Variants in BEND7 observed in about 807,000 individuals in gnomAD.
BEND7 encodes the protein BEN domain-containing protein 7.
Under a neutral mutation model 50.9 loss-of-function variants are expected in BEND7, and 28 were observed. That is an observed-to-expected ratio of 0.55 (90% CI 0.41 to 0.75). The LOEUF (loss-of-function observed/expected upper bound fraction) is 0.75. Ranked by LOEUF, BEND7 falls within the 30% of genes least tolerant of loss-of-function variation. The pLI is 0.00. For missense variants in BEND7, 477 were observed against 491.3 expected, an observed-to-expected ratio of 0.97 and a Z score of 0.28; for synonymous variants, 170 against 183.9, an observed-to-expected ratio of 0.92 and a Z score of 0.61.
At chr10:13,460,615 C>G (rs1389075675) in intron 6 of BEND7, among the ~76,000 whole-genome samples, 1 of 152,230 alleles carries the variant, frequency 6.6e-6, no homozygotes, top group Non-Finnish European at 1.5e-5. Flanking sequence ...CCTCAGCACA[C>G]TGAGTGGGCA....
At chr10:13,449,722 C>T (rs535506313) in intron 7 of BEND7, among the ~76,000 whole-genome samples, 1 of 152,184 alleles carries the variant, frequency 6.6e-6, no homozygotes, top group East Asian at 1.9e-4. Context: ...GCTATCCTCC[C>T]TTTGAAAAAA....
chr10:13,439,242 C>T (rs1243805433), downstream of BEND7: 1 of 1,614,084 alleles, frequency 6.2e-7, no homozygotes, highest in Non-Finnish European at 8.5e-7. Flanking sequence ...GTTGCGAATC[C>T]CTCTCTGATG....
At chr10:13,518,081 A>G (rs2078823193) in intron 2 of BEND7, among the ~76,000 whole-genome samples, 1 of 152,274 alleles carries the variant, frequency 6.6e-6, no homozygotes, top group South Asian at 2.1e-4. Flanking sequence ...TGAATTGTCA[A>G]CACGTTTCCT....
intron 2 of BEND7, among the ~76,000 whole-genome samples, chr10:13,505,621 G>C (rs374626513): frequency 2.0e-5 from 3 of 152,292 alleles, no homozygotes; most frequent in East Asian, 3.9e-4. Context: ...TCCGACCCCT[G>C]ACTGGGAGCC....
In BEND7 at chr10:13,528,908, G is replaced by A. The variant is rs1015174538; in HGVS notation, c.-375C>T. The A allele has an allele frequency of 2.1e-5, 3 of 144,646 alleles. No homozygotes were observed. Among genetic ancestry groups the A allele is most frequent in the African/African-American group, 5.0e-5 (2 of 40,238 alleles). 9.0% of individuals were successfully genotyped at this position (144,646 alleles called of 1,614,324 possible). On this transcript the variant is annotated 5_prime_UTR_variant, in exon 1 of 9. Coordinates refer to ENST00000466271, the MANE Select transcript of BEND7 (RefSeq NM_001369863.1). Reference sequence around the variant, plus strand: ...GGGGCGCGGCGGCGGCGGCGGAGGCGGGGGGCGGCTCGGGGCGGCCGGCCC... The same window carrying A: ...GGGGCGCGGCGGCGGCGGCGGAGGCAGGGGGCGGCTCGGGGCGGCCGGCCC...
At position 13,450,661 on chromosome 10, in the gene BEND7, T is replaced by C. The variant is rs1225685670; in HGVS notation, c.1183+1878A>G. On this transcript the variant is annotated intron_variant, in intron 7 of 8. Coordinates refer to ENST00000466271, the MANE Select transcript of BEND7 (RefSeq NM_001369863.1). ...AGAAGAGAAGGGCCAAGGGAGCCGATCACAAGTATCTGGGCAGATCATCTA... is the reference window on the plus strand; with the variant it reads ...AGAAGAGAAGGGCCAAGGGAGCCGACCACAAGTATCTGGGCAGATCATCTA... 2.6e-5 allele frequency among the ~76,000 whole-genome samples: 4 copies of C among 152,150 alleles called. No individual in the cohort carries two copies. In the East Asian group the frequency reaches 7.7e-4, roughly 29 times the overall value.
intron 6 of BEND7, among the ~76,000 whole-genome samples, chr10:13,461,399 T>C (rs190015383): frequency 1.5e-3 from 221 of 152,316 alleles, no homozygotes; most frequent in African/African-American, 5.2e-3. Flanking sequence ...GAGCAAGCTC[T>C]GTCCAGACTT....
rs759717949 is a variant in BEND7, at chr10:13,474,308, C to T, written c.1063+6591G>A. On this transcript the variant is annotated intron_variant, in intron 6 of 8. Coordinates refer to ENST00000466271, the MANE Select transcript of BEND7 (RefSeq NM_001369863.1). ...CCGTCATCGCTGTTAGATGCGGGGTCGATATCCATCATCGCTGTTAAATTT... is the reference window on the plus strand; with the variant it reads ...CCGTCATCGCTGTTAGATGCGGGGTTGATATCCATCATCGCTGTTAAATTT... Among the ~76,000 whole-genome samples, 8 of 148,932 alleles carry T rather than the reference C, an allele frequency of 5.4e-5. No homozygotes were observed. In the South Asian group the frequency reaches 1.3e-3, roughly 24 times the overall value.
Position 13,505,811 on chromosome 10 carries a change from A to G in BEND7, c.146-5731T>C, listed in dbSNP as rs2077840872. On this transcript the variant is annotated intron_variant, in intron 2 of 8. Transcript: ENST00000466271. ...CCTTATTAGGAAAATTCCTGGTAAC[A>G]GTCACCCTGTCTGTGCCCTACAAAT... Among the ~76,000 whole-genome samples, 3 of 152,166 alleles carry G rather than the reference A, an allele frequency of 2.0e-5. No individual in the cohort carries two copies. In the South Asian group the frequency reaches 6.2e-4, roughly 32 times the overall value.
chr10:13,439,381 C>T, downstream of BEND7: 2 of 1,614,180 alleles, frequency 1.2e-6, no homozygotes, highest in South Asian at 1.1e-5. Flanking sequence ...TGCTGCTCCT[C>T]CCAGGGTTCT....
At chr10:13,520,122 T>C (rs144438180) in intron 2 of BEND7, among the ~76,000 whole-genome samples, 14 of 152,286 alleles carry the variant, frequency 9.2e-5, no homozygotes, top group Non-Finnish European at 1.8e-4. Context: ...ATCCAGGCTC[T>C]TGTCTCCTAG....
intron 8 of BEND7, chr10:13,443,515 TG>T (rs1164845103): frequency 6.6e-6 from 1 of 152,626 alleles, no homozygotes; most frequent in East Asian, 1.9e-4. Context: ...AACAATTTAC[TG>T]GGGAGGTGTC....
intron 5 of BEND7, among the ~76,000 whole-genome samples, chr10:13,484,528 G>A (rs1439656313): frequency 2.0e-5 from 3 of 152,110 alleles, no homozygotes; most frequent in Admixed American, 2.0e-4. Context: ...AGATCTCTCT[G>A]CTTACTGATA....
intron 2 of BEND7, among the ~76,000 whole-genome samples, chr10:13,506,005 C>T (rs2077855501): frequency 6.6e-6 from 1 of 152,174 alleles, no homozygotes; most frequent in South Asian, 2.1e-4. Flanking sequence ...AAATATTTAT[C>T]AAGCACCTCC....
intron 2 of BEND7, chr10:13,500,458 G>T: frequency 1.0e-6 from 1 of 968,492 alleles, no homozygotes; most frequent in Admixed American, 5.2e-5. Flanking sequence ...CTGCTCTGAT[G>T]GGCCACAGCC....
At chr10:13,506,177 A>C (rs1181386127) in intron 2 of BEND7, among the ~76,000 whole-genome samples, 1 of 151,812 alleles carries the variant, frequency 6.6e-6, no homozygotes, top group African/African-American at 2.4e-5. Context: ...TGTGCCCTGG[A>C]ACTCTACTTG....
intron 6 of BEND7, among the ~76,000 whole-genome samples, chr10:13,464,220 A>G (rs4237433): frequency 1 from 151,970 of 152,362 alleles, 75,794 homozygotes; most frequent in Middle Eastern, 1. Context: ...CAGAGATGAC[A>G]GCTGCCTTGG....
Position 13,496,822 on chromosome 10 carries a change from A to C in BEND7, c.515T>G (p.Leu172Trp), listed in dbSNP as rs774586682. Residue 172 changes from leucine to tryptophan, a missense_variant, in exon 4 of 9, where the codon TTG becomes TGG. Coordinates refer to ENST00000466271, the MANE Select transcript of BEND7 (RefSeq NM_001369863.1). ...NCCTCNCQSTLQAILQELKTM... is the reference protein window; with the variant it reads ...NCCTCNCQSTWQAILQELKTM... ...CTTGAGTTCTTGTAGAATGGCCTGC[A>C]ACGTTGACTGGCAGTTACAAGTACA... 3.1e-6 allele frequency: 5 copies of C among 1,613,668 alleles called. No homozygotes were observed. The highest frequency in any genetic ancestry group is 4.2e-6 in the Non-Finnish European group (5 of 1,179,940).
intron 2 of BEND7, among the ~76,000 whole-genome samples, chr10:13,504,729 A>G (rs1588995118): frequency 6.6e-6 from 1 of 152,224 alleles, no homozygotes; most frequent in East Asian, 1.9e-4. Flanking sequence ...TCAGAAAAAC[A>G]AACACAAAGG....
Sources: gnomAD v4.1 joint callset for allele counts (sites outside exome capture counted in the v4.1 genomes callset) on GRCh38, gnomAD v4.1.1 for gene constraint, MANE v1.5 for transcripts, NCBI Gene and HGNC (gene_info 2026-07-23, HGNC 2026-07-21) for gene names.